Variants in BTBD2 observed in about 807,000 individuals in gnomAD.
The protein encoded by BTBD2 is BTB/POZ domain-containing protein 2.
In BTBD2, 15 loss-of-function variants were observed where a neutral mutation model predicts 44.0. The observed-to-expected ratio is 0.34, with a 90% CI of 0.23 to 0.53. BTBD2 has a LOEUF of 0.53. BTBD2 is among the 20% of genes least tolerant of loss of function. The probability of loss-of-function intolerance (pLI) is 0.95; values close to 1 mark genes in which losing one functional copy is unlikely to be tolerated. For synonymous variants in BTBD2, 443 were observed against 335.9 expected, an observed-to-expected ratio of 1.32 and a Z score of -3.49; for missense variants, 657 against 746.4, an observed-to-expected ratio of 0.88 and a Z score of 1.39.
At chr19:1,992,364 T>G (rs887328479) in intron 3 of BTBD2, among the ~76,000 whole-genome samples, 1 of 151,492 alleles carries the variant, frequency 6.6e-6, no homozygotes, top group Non-Finnish European at 1.5e-5. Flanking sequence ...CCTCCCAAAA[T>G]GCTGGGATTA....
At chr19:2,002,816 G>T (rs2016346072) in intron 1 of BTBD2, 1 of 148,762 alleles carries the variant, frequency 6.7e-6, no homozygotes, top group South Asian at 2.1e-4. Context: ...GGCGGAGCTT[G>T]CAGTGAGCTG....
intron 2 of BTBD2, among the ~76,000 whole-genome samples, 168 bp downstream of exon 2, chr19:1,997,176 T>C (rs1259816223): frequency 6.6e-6 from 1 of 151,008 alleles, no homozygotes; most frequent in African/African-American, 2.4e-5. Flanking sequence ...CGAGACTCCA[T>C]CTCAAAAAGA....
chr19:1,993,220 C>A (rs1204237619), intron 2 of BTBD2, 44 bp from the exon 3 acceptor site: 1 of 1,571,854 alleles, frequency 6.4e-7, no homozygotes, highest in East Asian at 2.3e-5. Flanking sequence ...ACCGCCATGC[C>A]CGCCCCCAGG....
At position 1,990,756 on chromosome 19, in the gene BTBD2, C is replaced by G. The variant is rs2016164979; in HGVS notation, c.751G>C (p.Asp251His). Reference protein sequence around the residue: ...CLENIDKNTADAITAEGFTDI... With the variant: ...CLENIDKNTAHAITAEGFTDI... Reference sequence around the variant, plus strand: ...GTGAAGCCCTCCGCGGTGATGGCGTCTGCAGTGTTTTTGTCGATGTTCTCC... The same window carrying G: ...GTGAAGCCCTCCGCGGTGATGGCGTGTGCAGTGTTTTTGTCGATGTTCTCC... Residue 251 changes from aspartate to histidine, a missense_variant, in exon 4 of 9, where the codon GAC becomes CAC. By Grantham distance (81) the Asp-to-His change is moderately conservative. Coordinates refer to ENST00000255608, the MANE Select transcript of BTBD2 (RefSeq NM_017797.4). 6.2e-7 allele frequency: 1 copy of G among 1,603,316 alleles called. No individual in the cohort carries two copies. The highest frequency in any genetic ancestry group is 8.5e-7 in the Non-Finnish European group (1 of 1,175,358).
intron 1 of BTBD2, among the ~76,000 whole-genome samples, chr19:2,008,475 C>T (rs1468940052): frequency 6.6e-6 from 1 of 151,074 alleles, no homozygotes; most frequent in African/African-American, 2.4e-5. Context: ...ATTTTTAATA[C>T]AGACAGAGTT....
At position 1,993,179 on chromosome 19, in the gene BTBD2, G is replaced by A; in HGVS notation, c.528-3C>T. On this transcript the variant is annotated splice_polypyrimidine_tract_variant and splice_region_variant and intron_variant, in intron 2 of 8. Coordinates refer to ENST00000255608, the MANE Select transcript of BTBD2 (RefSeq NM_017797.4). Reference sequence around the variant, plus strand: ...GCACCTCGTCCGAGTAGAGAAACCTGCAGAAGCAACGCGGGTGGCCGTGAG... The same window carrying A: ...GCACCTCGTCCGAGTAGAGAAACCTACAGAAGCAACGCGGGTGGCCGTGAG... The A allele has an allele frequency of 6.3e-7, 1 of 1,594,104 alleles. No homozygotes were observed. The highest frequency in any genetic ancestry group is 8.5e-7 in the Non-Finnish European group (1 of 1,176,390).
In BTBD2 at chr19:1,986,871, C is replaced by T; in HGVS notation, c.1375G>A (p.Val459Met). The change falls in exon 8 of 9, where the codon GTG becomes ATG. Residue 459 changes from valine (V) to methionine (M), a missense_variant. Transcript: ENST00000255608. ...GCCGTGTAGTTGACGTTGGGCAGCA[C>T]CTCCACCGGCTCCTTGAACATGACG... ...FRVMFKEPVE[V>M]LPNVNYTACA... 1 of 1,612,646 alleles carries T rather than the reference C, an allele frequency of 6.2e-7. No individual in the cohort carries two copies.
intron 1 of BTBD2, among the ~76,000 whole-genome samples, chr19:2,011,106 C>T (rs1346429679): frequency 6.6e-6 from 1 of 152,094 alleles, no homozygotes; most frequent in Non-Finnish European, 1.5e-5. Flanking sequence ...ACCTCTCAGC[C>T]CCAGGTCCCG....
At chr19:1,996,472 T>C (rs2016251672) in intron 2 of BTBD2, among the ~76,000 whole-genome samples, 2 of 133,932 alleles carry the variant, frequency 1.5e-5, no homozygotes, top group African/African-American at 3.1e-5. Context: ...CTTTCACTGA[T>C]GTTTCCTTTT....
At chr19:2,008,699 C>T (rs2016425991) in intron 1 of BTBD2, among the ~76,000 whole-genome samples, 2 of 151,240 alleles carry the variant, frequency 1.3e-5, no homozygotes, top group African/African-American at 4.9e-5. Context: ...TCAGGTGATC[C>T]TCCTACCCGA....
chr19:2,015,275 C>A (rs1278530106), intron 1 of BTBD2, 22 bp downstream of exon 1: 4 of 1,533,852 alleles, frequency 2.6e-6, no homozygotes, highest in Non-Finnish European at 3.5e-6. Flanking sequence ...GGGGCCAGGG[C>A]TGGCGGGGTC....
intron 1 of BTBD2, chr19:2,003,501 G>A (rs561986120): frequency 6.6e-6 from 1 of 151,778 alleles, no homozygotes; most frequent in South Asian, 2.1e-4. Flanking sequence ...CAGGTGCGGT[G>A]GCTCACGCCT....
intron 1 of BTBD2, chr19:2,003,686 G>C (rs1471002591): frequency 3.3e-5 from 5 of 151,522 alleles, no homozygotes; most frequent in Non-Finnish European, 7.4e-5. Context: ...GAGAAGAATC[G>C]CTTGAACCCG....
At chr19:2,005,999 G>A (rs2016389695) in intron 1 of BTBD2, among the ~76,000 whole-genome samples, 1 of 151,370 alleles carries the variant, frequency 6.6e-6, no homozygotes, top group East Asian at 1.9e-4. Flanking sequence ...AAGGTGGGAG[G>A]ACTGTTTGAG....
intron 1 of BTBD2, among the ~76,000 whole-genome samples, chr19:2,008,628 A>G (rs2016425170): frequency 1.6e-5 from 2 of 125,686 alleles, no homozygotes; most frequent in African/African-American, 3.2e-5. Flanking sequence ...GTCTCACTCT[A>G]TCGCCCAGGA....
chr19:2,004,789 G>A lies in BTBD2; in HGVS notation c.408-7326C>T, dbSNP rs868840318. 1.6e-4 allele frequency among the ~76,000 whole-genome samples: 24 copies of A among 150,786 alleles called. No homozygotes were observed. In the South Asian group the frequency reaches 4.7e-3, roughly 29 times the overall value. On this transcript the variant is annotated intron_variant, in intron 1 of 8. Transcript: ENST00000255608. The stretch of plus-strand genomic sequence containing the variant: ...AGCCCAGGAGTTTGAGACCAGCCTC[G>A]GCAACATAGAAAGACCCCATCTCTA...
rs567626644 is a variant in BTBD2, at chr19:2,009,873, G to C, written c.407+5424C>G. 4.0e-5 allele frequency among the ~76,000 whole-genome samples: 6 copies of C among 150,964 alleles called. No homozygotes were observed. The South Asian group carries it at 1.3e-3, about 32-fold the overall frequency. On this transcript the variant is annotated intron_variant, in intron 1 of 8. Coordinates refer to ENST00000255608, the MANE Select transcript of BTBD2 (RefSeq NM_017797.4). ...TCAAAAAAACAAAAAAGGAGGGGAGGCCAGGTGCGGTGGCTCACGCCTGTA... is the reference window on the plus strand; with the variant it reads ...TCAAAAAAACAAAAAAGGAGGGGAGCCCAGGTGCGGTGGCTCACGCCTGTA...
rs559823530 is a variant in BTBD2 at position 2,001,913 on chromosome 19, A to AT, written c.408-4451dup. On this transcript the variant is annotated intron_variant, in intron 1 of 8. Coordinates refer to ENST00000255608, the MANE Select transcript of BTBD2 (RefSeq NM_017797.4). ...ACCACCATGCCTGGCTAATTTGTGT[A>AT]TTTTTTTAGTAGAGATGGGGTTTCA... 2.6e-4 allele frequency among the ~76,000 whole-genome samples: 39 copies of AT among 149,606 alleles called. No individual in the cohort carries two copies. In the East Asian group the frequency reaches 8.0e-3, roughly 31 times the overall value.
In BTBD2 at chr19:2,015,644, C is replaced by T; in HGVS notation, c.60G>A (p.Pro20=). 1 of 984,644 alleles carries T rather than the reference C, an allele frequency of 1.0e-6. No homozygotes were observed. Among genetic ancestry groups the T allele is most frequent in the Non-Finnish European group, 1.2e-6 (1 of 834,050 alleles). 61.0% of individuals were successfully genotyped at this position (984,644 alleles called of 1,614,324 possible). The change falls in exon 1 of 9, where the codon CCG becomes CCA. Residue 20 remains proline, a synonymous_variant. Coordinates refer to ENST00000255608, the MANE Select transcript of BTBD2 (RefSeq NM_017797.4). The part of the protein sequence containing the change: ...ASCPPGVGVG[P]GTGGSPGPSA... ...TGGGCCCGGGACTGCCCCCCGTGCC[C>T]GGGCCGACCCCGACCCCCGGCGGGC...
Sources: gnomAD v4.1 joint callset for allele counts (sites outside exome capture counted in the v4.1 genomes callset) on GRCh38, gnomAD v4.1.1 for gene constraint, MANE v1.5 for transcripts, NCBI Gene and HGNC (gene_info 2026-07-23, HGNC 2026-07-21) for gene names.